SULT1B1: variants seen among roughly 807,000 people sequenced by gnomAD.
The protein encoded by SULT1B1 is sulfotransferase family 1B member 1, also known as sulfotransferase 1B1.
In SULT1B1, 28 loss-of-function variants were observed where a neutral mutation model predicts 34.6. The observed-to-expected ratio is 0.81, with a 90% CI of 0.60 to 1.11. SULT1B1 has a LOEUF of 1.11. Ranked by LOEUF, SULT1B1 falls within the 50% of genes least tolerant of loss-of-function variation. SULT1B1 has a pLI of 0.00. For synonymous variants in SULT1B1, 147 were observed against 110.2 expected, an observed-to-expected ratio of 1.33 and a Z score of -2.09; for missense variants, 374 against 352.2, an observed-to-expected ratio of 1.06 and a Z score of -0.50.
chr4:69,760,525 G>C lies in SULT1B1; in HGVS notation c.-111C>G, dbSNP rs1000327752. ...GTGAAGCTGCTGTAGAGTAACCATG[G>C]GAAACGGTGGTGGTTCTGGCAGGCA... is the stretch of plus-strand genomic sequence containing the variant. On this transcript the variant is annotated 5_prime_UTR_variant, in exon 1 of 8. Transcript: ENST00000310613. 2 of 152,146 alleles carry C rather than the reference G, an allele frequency of 1.3e-5. No individual in the cohort carries two copies. Among genetic ancestry groups the C allele is most frequent in the Non-Finnish European group, 2.9e-5 (2 of 68,032 alleles). 9.4% of individuals were successfully genotyped at this position (152,146 alleles called of 1,614,324 possible). A position where few individuals can be genotyped will look rare whatever the true frequency, so the allele number is the denominator to read the frequency against.
chr4:69,744,222 A>G (rs1005329708), intron 4 of SULT1B1, among the ~76,000 whole-genome samples: 7 of 150,794 alleles, frequency 4.6e-5, no homozygotes, highest in African/African-American at 1.7e-4. Context: ...CCAGGGCAGC[A>G]GGCTCTCGGG....
intron 4 of SULT1B1, among the ~76,000 whole-genome samples, chr4:69,743,604 G>A (rs950261550): frequency 6.6e-6 from 1 of 152,132 alleles, no homozygotes; most frequent in Non-Finnish European, 1.5e-5. Flanking sequence ...TAGCACCAAG[G>A]CTGTTACTGC....
chr4:69,721,911 G>A lies in SULT1B1; in HGVS notation c.*5177C>T, dbSNP rs991665512. ...ATTGTAATATGAGATTATTTTAAGTGTTTTCATTTGGAAATTGTACTGATG... is the reference window on the plus strand; with the variant it reads ...ATTGTAATATGAGATTATTTTAAGTATTTTCATTTGGAAATTGTACTGATG... On this transcript the variant is annotated 3_prime_UTR_variant, in exon 8 of 8. Coordinates refer to ENST00000310613, the MANE Select transcript of SULT1B1 (RefSeq NM_014465.4). 1.3e-5 allele frequency: 2 copies of A among 152,020 alleles called. No homozygotes were observed. Among genetic ancestry groups the A allele is most frequent in the African/African-American group, 4.8e-5 (2 of 41,434 alleles). 9.4% of individuals were successfully genotyped at this position (152,020 alleles called of 1,614,324 possible).
chr4:69,733,636 T>C, intron 5 of SULT1B1, 129 bp from the exon 6 acceptor site: 1 of 629,924 alleles, frequency 1.6e-6, no homozygotes. Context: ...GAGGACAATC[T>C]TAAAAAGTAA....
rs1718869441 is a variant in SULT1B1, at chr4:69,749,104, C to T, written c.375+617G>A. On this transcript the variant is annotated intron_variant, in intron 4 of 7. Coordinates refer to ENST00000310613, the MANE Select transcript of SULT1B1 (RefSeq NM_014465.4). ...TAATAATATCAATAAAATTAATATA[C>T]TTAAGAGGGACAAAAAAGAAGGAGA... 2.6e-5 allele frequency among the ~76,000 whole-genome samples: 4 copies of T among 151,734 alleles called. No homozygotes were observed. The East Asian group carries it at 7.7e-4, about 29-fold the overall frequency.
intron 4 of SULT1B1, among the ~76,000 whole-genome samples, chr4:69,744,234 G>A (rs1050160641): frequency 1.3e-5 from 2 of 152,176 alleles, no homozygotes; most frequent in African/African-American, 4.8e-5. Flanking sequence ...GCTCTCGGGG[G>A]AGTGCCAGGG....
chr4:69,750,599 C>T (rs1718942067), intron 3 of SULT1B1, among the ~76,000 whole-genome samples: 1 of 152,188 alleles, frequency 6.6e-6, no homozygotes, highest in Non-Finnish European at 1.5e-5. Context: ...GCATCTGACT[C>T]ACTCATTGAA....
rs190351152 is a variant in SULT1B1, at chr4:69,722,964, C to T, written c.*4124G>A. On this transcript the variant is annotated 3_prime_UTR_variant, in exon 8 of 8. Transcript: ENST00000310613. ...ATGTGATATGATCTCAGGAAAAAGA[C>T]TTTGCTGCACATGGGGATATAAACA... The T allele has an allele frequency of 3.0e-4, 46 of 151,918 alleles. No individual in the cohort carries two copies. Among genetic ancestry groups the T allele is most frequent in the African/African-American group, 1.0e-3 (43 of 41,430 alleles). The allele number at this position is 151,918 out of a possible 1,614,324, so 9.4% of individuals were successfully genotyped here. A position where few individuals can be genotyped will look rare whatever the true frequency, so the allele number is the denominator to read the frequency against.
intron 1 of SULT1B1, among the ~76,000 whole-genome samples, chr4:69,756,931 T>G (rs1719213007): frequency 1.3e-5 from 2 of 151,450 alleles, no homozygotes; most frequent in African/African-American, 4.8e-5. Context: ...CCAATTTAAA[T>G]TTTAATCTCA....
Position 69,723,054 on chromosome 4 carries a change from AC to A in SULT1B1, c.*4033del, listed in dbSNP as rs1349101503. The stretch of plus-strand genomic sequence containing the variant: ...AACTGAAGGAGACAAAGACACAAAA[AC>A]CCCTTCAAAAAATCAGTGAATTCAG... On this transcript the variant is annotated 3_prime_UTR_variant, in exon 8 of 8. Transcript: ENST00000310613. 3.3e-5 allele frequency: 5 copies of A among 152,118 alleles called. No homozygotes were observed. The highest frequency in any genetic ancestry group is 7.4e-5 in the Non-Finnish European group (5 of 68,020). The allele number at this position is 152,118 out of a possible 1,614,324, so 9.4% of individuals were successfully genotyped here. A position where few individuals can be genotyped will look rare whatever the true frequency, so the allele number is the denominator to read the frequency against.
intron 7 of SULT1B1, among the ~76,000 whole-genome samples, chr4:69,728,430 G>A (rs372059304): frequency 6.6e-6 from 1 of 151,960 alleles, no homozygotes; most frequent in East Asian, 1.9e-4. Context: ...CAGTGTGCCT[G>A]GCACATTTGT....
chr4:69,740,602 G>A (rs1219731736), intron 4 of SULT1B1, among the ~76,000 whole-genome samples: 1 of 152,148 alleles, frequency 6.6e-6, no homozygotes, highest in African/African-American at 2.4e-5. Context: ...TGATTCCTTT[G>A]CTACTGTGAC....
intron 3 of SULT1B1, among the ~76,000 whole-genome samples, chr4:69,752,882 C>T (rs919107242): frequency 6.6e-6 from 1 of 152,228 alleles, no homozygotes; most frequent in Non-Finnish European, 1.5e-5. Context: ...GAATACCCCT[C>T]TCATTTACTT....
chr4:69,725,375 G>C lies in SULT1B1; in HGVS notation c.*1713C>G, dbSNP rs1232090927. On this transcript the variant is annotated 3_prime_UTR_variant, in exon 8 of 8. Transcript: ENST00000310613. ...TCATTAAAAAGTCAGGAAACAACAG[G>C]TGCTGGAAAGGATGTGGAGAAATAG... is the stretch of plus-strand genomic sequence containing the variant. The C allele has an allele frequency of 6.6e-6, 1 of 152,062 alleles. No individual in the cohort carries two copies. The highest frequency in any genetic ancestry group is 1.5e-5 in the Non-Finnish European group (1 of 68,018). 9.4% of individuals were successfully genotyped at this position (152,062 alleles called of 1,614,324 possible). A position where few individuals can be genotyped will look rare whatever the true frequency, so the allele number is the denominator to read the frequency against.
intron 4 of SULT1B1, among the ~76,000 whole-genome samples, chr4:69,740,469 G>A (rs987254422): frequency 6.6e-6 from 1 of 152,170 alleles, no homozygotes; most frequent in Non-Finnish European, 1.5e-5. Flanking sequence ...TAACAGCACA[G>A]AGAAACCAAC....
chr4:69,732,746 A>G (rs947712880), intron 6 of SULT1B1, among the ~76,000 whole-genome samples: 1 of 150,918 alleles, frequency 6.6e-6, no homozygotes, highest in African/African-American at 2.4e-5. Context: ...ATAGATGATT[A>G]CAAGTTTCTA....
intron 3 of SULT1B1, among the ~76,000 whole-genome samples, chr4:69,752,928 A>T (rs926568834): frequency 1.2e-4 from 18 of 151,614 alleles, no homozygotes; most frequent in African/African-American, 4.1e-4. Flanking sequence ...CTGTTAGCTC[A>T]TTTTTTTTCA....
At chr4:69,758,437 C>A in intron 1 of SULT1B1, 2 of 985,300 alleles carry the variant, frequency 2.0e-6, no homozygotes, top group Non-Finnish European at 2.4e-6. Flanking sequence ...ATAGCTCTTT[C>A]TGAAACATTT....
intron 2 of SULT1B1, 57 bp downstream of exon 2, chr4:69,755,013 A>C: frequency 6.9e-7 from 1 of 1,448,980 alleles, no homozygotes; most frequent in Non-Finnish European, 9.6e-7. Context: ...GGACAAGTTG[A>C]TTTCCAGGAA....
Sources: gnomAD v4.1 joint callset for allele counts (sites outside exome capture counted in the v4.1 genomes callset) on GRCh38, gnomAD v4.1.1 for gene constraint, MANE v1.5 for transcripts, NCBI Gene and HGNC (gene_info 2026-07-23, HGNC 2026-07-21) for gene names.